NRXN1: variants seen among roughly 807,000 people sequenced by gnomAD.
NRXN1 encodes neurexin-1.
A neutral mutation model predicts 150.9 loss-of-function variants in NRXN1; 39 were observed. The ratio of observed to expected loss-of-function variants is 0.26; its 90% CI spans 0.20 to 0.34. NRXN1 has a LOEUF of 0.34. Ranked by LOEUF, NRXN1 falls within the 10% of genes least tolerant of loss-of-function variation. The pLI is 1.00. For synonymous variants in NRXN1, 924 were observed against 757.0 expected, an observed-to-expected ratio of 1.22 and a Z score of -3.62; for missense variants, 1,815 against 1,949.9, an observed-to-expected ratio of 0.93 and a Z score of 1.30.
intron 5 of NRXN1, chr2:50,637,538 T>C (rs1179754689): frequency 1.3e-5 from 2 of 152,248 alleles, no homozygotes; most frequent in Non-Finnish European, 2.9e-5. Context: ...TAGAAGGAAT[T>C]GCTAAACCAC....
At chr2:50,313,045 A>G (rs1380913674) in intron 17 of NRXN1, among the ~76,000 whole-genome samples, 1 of 152,142 alleles carries the variant, frequency 6.6e-6, no homozygotes, top group Admixed American at 6.6e-5. Context: ...AACATTATAT[A>G]TGGGTAAATG....
At chr2:50,524,509 AAATAAAT>A (rs891926829) in intron 12 of NRXN1, among the ~76,000 whole-genome samples, 10 of 149,870 alleles carry the variant, frequency 6.7e-5, no homozygotes, top group Non-Finnish European at 1.0e-4. Flanking sequence ...ATAAATAAAT[AAATAAAT>A]AAATAAAATA....
chr2:50,831,276 C>G (rs1377719211), intron 5 of NRXN1, among the ~76,000 whole-genome samples: 2 of 152,094 alleles, frequency 1.3e-5, no homozygotes, highest in Non-Finnish European at 2.9e-5. Context: ...ATTGTTGAGC[C>G]AAACATGTCA....
At chr2:50,526,337 T>C (rs373215887) in intron 12 of NRXN1, among the ~76,000 whole-genome samples, 2 of 152,216 alleles carry the variant, frequency 1.3e-5, no homozygotes, top group South Asian at 4.1e-4. Flanking sequence ...ATACAGTTGA[T>C]AGCTTAGGTA....
At chr2:50,633,000 T>C (rs1317310213) in intron 5 of NRXN1, 1 of 152,146 alleles carries the variant, frequency 6.6e-6, no homozygotes, top group African/African-American at 2.4e-5. Flanking sequence ...GTAAACTTAG[T>C]GCCACTCTTC....
At chr2:50,842,114 C>T (rs369089056) in intron 5 of NRXN1, among the ~76,000 whole-genome samples, 2 of 152,194 alleles carry the variant, frequency 1.3e-5, no homozygotes, top group Admixed American at 1.3e-4. Flanking sequence ...TTCTGGGCAC[C>T]TCATCTGTGA....
chr2:50,978,514 C>A (rs777439191), intron 2 of NRXN1, among the ~76,000 whole-genome samples: 2 of 151,284 alleles, frequency 1.3e-5, no homozygotes, highest in African/African-American at 4.8e-5. Flanking sequence ...GATATCTAAT[C>A]CCTTTCCTTC....
intron 5 of NRXN1, among the ~76,000 whole-genome samples, chr2:50,707,885 T>A (rs1694656471): frequency 6.6e-6 from 1 of 152,220 alleles, no homozygotes; most frequent in Non-Finnish European, 1.5e-5. Context: ...AGTGTTTACA[T>A]TTAAATCTCA....
intron 17 of NRXN1, among the ~76,000 whole-genome samples, chr2:50,393,383 C>T (rs542167171): frequency 2.6e-5 from 4 of 152,050 alleles, no homozygotes; most frequent in African/African-American, 9.6e-5. Context: ...AAATTTGAGT[C>T]TTGTGACCCT....
intron 5 of NRXN1, among the ~76,000 whole-genome samples, chr2:50,711,018 A>G (rs1695065674): frequency 6.6e-6 from 1 of 152,168 alleles, no homozygotes; most frequent in Non-Finnish European, 1.5e-5. Flanking sequence ...ACATTGGAAT[A>G]ATGACAACAA....
At chr2:50,940,117 A>ACT (rs1689177620) in intron 2 of NRXN1, among the ~76,000 whole-genome samples, 1 of 152,184 alleles carries the variant, frequency 6.6e-6, no homozygotes, top group African/African-American at 2.4e-5. Context: ...TTGTGGCTAA[A>ACT]CTTAAGTTTT....
At chr2:50,543,616 T>C (rs190145810) in intron 9 of NRXN1, among the ~76,000 whole-genome samples, 1 of 152,258 alleles carries the variant, frequency 6.6e-6, no homozygotes, top group Admixed American at 6.5e-5. Flanking sequence ...TGTAAAACTG[T>C]ATGCAAAGGT....
chr2:50,470,839 T>C (rs1380483328), intron 16 of NRXN1, among the ~76,000 whole-genome samples: 2 of 151,702 alleles, frequency 1.3e-5, no homozygotes, highest in African/African-American at 4.8e-5. Context: ...AAAATGAAAG[T>C]GGCAATCAAA....
At chr2:50,929,548 C>T (rs1687423341) in intron 2 of NRXN1, among the ~76,000 whole-genome samples, 1 of 152,038 alleles carries the variant, frequency 6.6e-6, no homozygotes, top group Non-Finnish European at 1.5e-5. Flanking sequence ...TTCCCTCTCT[C>T]CTCCATCAAA....
chr2:50,020,944 C>G (rs1242708907), intron 21 of NRXN1, among the ~76,000 whole-genome samples: 1 of 152,050 alleles, frequency 6.6e-6, no homozygotes, highest in Non-Finnish European at 1.5e-5. Context: ...TCAAACTGAT[C>G]TCAGAAAAGA....
Position 50,531,141 on chromosome 2 carries a change from C to A in NRXN1, c.2347+86G>T, listed in dbSNP as rs559386824. On this transcript the variant is annotated intron_variant, in intron 11 of 22. Transcript: ENST00000401669. Reference sequence around the variant, plus strand: ...CATTAAGTGTTTTAATTTTCCATGGCAAACAGGCTACTTGATCAATGTTTG... The same window carrying A: ...CATTAAGTGTTTTAATTTTCCATGGAAAACAGGCTACTTGATCAATGTTTG... 2.7e-3 allele frequency: 2,951 copies of A among 1,078,680 alleles called. 14 individuals carry two copies. Among genetic ancestry groups the A allele is most frequent in the Non-Finnish European group, 3.1e-3 (2,287 of 734,706 alleles). The allele number at this position is 1,078,680 out of a possible 1,614,324, so 66.8% of individuals were successfully genotyped here.
chr2:50,833,824 GA>G (rs1465224258), intron 5 of NRXN1, among the ~76,000 whole-genome samples: 1 of 151,980 alleles, frequency 6.6e-6, no homozygotes, highest in Non-Finnish European at 1.5e-5. Context: ...ATCTTCTAAG[GA>G]AATGCACAGA....
chr2:50,155,761 C>G (rs2058980670), intron 18 of NRXN1, among the ~76,000 whole-genome samples: 1 of 151,358 alleles, frequency 6.6e-6, no homozygotes, highest in South Asian at 2.1e-4. Context: ...GTAAGAGATG[C>G]ATAAAATAAG....
At chr2:50,233,278 T>G (rs567505904) in intron 18 of NRXN1, among the ~76,000 whole-genome samples, 1 of 152,168 alleles carries the variant, frequency 6.6e-6, no homozygotes, top group African/African-American at 2.4e-5. Flanking sequence ...ACTTTGAGGT[T>G]AACAGTGGTA....
Sources: gnomAD v4.1 joint callset for allele counts (sites outside exome capture counted in the v4.1 genomes callset) on GRCh38, gnomAD v4.1.1 for gene constraint, MANE v1.5 for transcripts, NCBI Gene and HGNC (gene_info 2026-07-23, HGNC 2026-07-21) for gene names.